The following PSD3 variants were observed in gnomAD, a reference collection of about 807,000 sequenced individuals.
PSD3 encodes PH and SEC7 domain-containing protein 3.
PSD3 carries 49 observed loss-of-function variants against 105.5 expected under a neutral mutation model. The observed-to-expected ratio is 0.46, with a 90% CI of 0.37 to 0.59. The LOEUF (loss-of-function observed/expected upper bound fraction) is 0.59. PSD3 is among the 20% of genes least tolerant of loss of function. PSD3 has a pLI of 0.00. For missense variants in PSD3, 1,561 were observed against 1,263.8 expected (o/e 1.24, Z -3.57); for synonymous variants, 557 against 457.8 (o/e 1.22, Z -2.77).
rs144028422 is a variant in PSD3, at chr8:18,822,406, G to T, written c.1635-17508C>A. The stretch of plus-strand genomic sequence containing the variant: ...TTTAGTAGTAGTACAGTCCATCCCC[G>T]GGAGTGTGTTCCAAGTACCCCTTCA... On this transcript the variant is annotated intron_variant, in intron 4 of 15. Coordinates refer to ENST00000327040, the MANE Select transcript of PSD3 (RefSeq NM_015310.4). 1.2e-3 allele frequency among the ~76,000 whole-genome samples: 179 copies of T among 152,182 alleles called. 2 individuals are homozygous for T. In the East Asian group the frequency reaches 0.025, roughly 22 times the overall value.
upstream of PSD3, among the ~76,000 whole-genome samples, chr8:19,017,002 A>G (rs963343121): frequency 4.6e-5 from 7 of 151,800 alleles, no homozygotes; most frequent in African/African-American, 1.7e-4. Flanking sequence ...GTTGGCAGGG[A>G]CATTCAAGCC....
chr8:18,999,447 C>T (rs1826253085), intron 1 of PSD3, among the ~76,000 whole-genome samples: 3 of 151,880 alleles, frequency 2.0e-5, no homozygotes, highest in South Asian at 4.2e-4. Flanking sequence ...ACTGAGGTGG[C>T]GATTACCAAG....
rs61667418 is a variant in PSD3, at chr8:18,877,539, C to CT, written c.131-4807dup. On this transcript the variant is annotated intron_variant, in intron 2 of 15. Transcript: ENST00000327040. ...CAAGTCCATTGAGCTAGATGCCTAT[C>CT]TTTTTTTTTTTTTTTTCTTTTTGAC... is the stretch of plus-strand genomic sequence containing the variant. Among the ~76,000 whole-genome samples, 443 of 138,100 alleles carry CT rather than the reference C, an allele frequency of 3.2e-3. 2 individuals are homozygous for CT. The highest frequency in any genetic ancestry group is 0.012 in the South Asian group (54 of 4,358). The allele number at this position is 138,100 out of a possible 152,430, so 90.6% of individuals were successfully genotyped here.
chr8:18,782,656 T>A (rs1249756370), intron 8 of PSD3, among the ~76,000 whole-genome samples: 1 of 152,206 alleles, frequency 6.6e-6, no homozygotes, highest in African/African-American at 2.4e-5. Context: ...AAGTGGATTG[T>A]CTGTGTGCTA....
chr8:18,903,340 C>A (rs779708297), intron 2 of PSD3, among the ~76,000 whole-genome samples: 1 of 152,116 alleles, frequency 6.6e-6, no homozygotes, highest in East Asian at 1.9e-4. Flanking sequence ...TGGCAGTGAT[C>A]GTCAGCATCT....
chr8:19,047,836 G>T (rs1017916725), intron 1 of PSD3, among the ~76,000 whole-genome samples: 4 of 152,146 alleles, frequency 2.6e-5, no homozygotes, highest in Non-Finnish European at 5.9e-5. Flanking sequence ...CACTGCACGG[G>T]AGCCTGTTGC....
At chr8:18,944,192 T>C (rs973026014) in intron 1 of PSD3, among the ~76,000 whole-genome samples, 1 of 152,234 alleles carries the variant, frequency 6.6e-6, no homozygotes, top group Non-Finnish European at 1.5e-5. Context: ...CAGTGGCACA[T>C]GCTTTCACTT....
chr8:18,823,928 C>T (rs1320023214), intron 4 of PSD3, among the ~76,000 whole-genome samples: 2 of 152,064 alleles, frequency 1.3e-5, no homozygotes, highest in African/African-American at 2.4e-5. Context: ...GCCTGTAATC[C>T]CTGCACTTTG....
At chr8:18,905,798 C>T (rs1003023101) in intron 2 of PSD3, among the ~76,000 whole-genome samples, 21 of 152,092 alleles carry the variant, frequency 1.4e-4, no homozygotes, top group Admixed American at 6.5e-5. Flanking sequence ...ATGATATTAA[C>T]ATACAAATAA....
chr8:19,031,158 T>C (rs1827755697), intron 1 of PSD3, among the ~76,000 whole-genome samples: 1 of 152,182 alleles, frequency 6.6e-6, no homozygotes, highest in African/African-American at 2.4e-5. Context: ...ACTGTAGGAT[T>C]ATCAGTGTCC....
intron 10 of PSD3, among the ~76,000 whole-genome samples, chr8:18,652,441 G>A (rs182983160): frequency 1.4e-5 from 2 of 145,950 alleles, no homozygotes; most frequent in Non-Finnish European, 3.0e-5. Context: ...AGAGCACAGT[G>A]TTATAAATAA....
At chr8:19,010,205 G>A (rs1563507147) in intron 1 of PSD3, among the ~76,000 whole-genome samples, 1 of 152,176 alleles carries the variant, frequency 6.6e-6, no homozygotes, top group Non-Finnish European at 1.5e-5. Context: ...AGCCTGACAT[G>A]CAGGAAGGGG....
intron 4 of PSD3, among the ~76,000 whole-genome samples, chr8:18,815,829 A>T (rs892817182): frequency 2.0e-5 from 3 of 152,086 alleles, no homozygotes; most frequent in Admixed American, 2.0e-4. Context: ...GCCTGACAAC[A>T]TATCCTCTCT....
At chr8:18,585,795 T>C (rs1803134704) in intron 12 of PSD3, among the ~76,000 whole-genome samples, 1 of 152,188 alleles carries the variant, frequency 6.6e-6, no homozygotes, top group African/African-American at 2.4e-5. Flanking sequence ...TGCAACATCA[T>C]TTCCCCTCAT....
chr8:18,769,281 C>T (rs1225283238), intron 8 of PSD3, among the ~76,000 whole-genome samples: 3 of 152,092 alleles, frequency 2.0e-5, no homozygotes, highest in Admixed American at 1.3e-4. Flanking sequence ...CAGTTAATCA[C>T]CAAAACTATT....
chr8:18,947,095 T>C (rs1314898989), intron 1 of PSD3, among the ~76,000 whole-genome samples: 8 of 152,026 alleles, frequency 5.3e-5, no homozygotes, highest in Non-Finnish European at 1.0e-4. Context: ...ACTAACTGGA[T>C]AGATATTCCA....
rs111707605 is a variant in PSD3 at position 18,874,257 on chromosome 8, G to T, written c.131-1524C>A. ...GTTCACTGCAACCTCTACCTCCCGG[G>T]TTCAAGTGATTCTTCTGCCCCAGTC... is the stretch of plus-strand genomic sequence containing the variant. On this transcript the variant is annotated intron_variant, in intron 2 of 15. Coordinates refer to ENST00000327040, the MANE Select transcript of PSD3 (RefSeq NM_015310.4). 2.5e-3 allele frequency among the ~76,000 whole-genome samples: 377 copies of T among 152,008 alleles called. 5 individuals are homozygous for T. Among genetic ancestry groups the T allele is most frequent in the African/African-American group, 8.7e-3 (361 of 41,456 alleles).
chr8:19,074,614 T>TA (rs1563546660), intron 1 of PSD3, among the ~76,000 whole-genome samples: 1 of 27,140 alleles, frequency 3.7e-5, no homozygotes, highest in Non-Finnish European at 7.6e-5. Flanking sequence ...TATATATATT[T>TA]TTTTTTTTTT....
chr8:18,891,934 A>G (rs1490392702), intron 2 of PSD3, among the ~76,000 whole-genome samples: 1 of 152,200 alleles, frequency 6.6e-6, no homozygotes, highest in Non-Finnish European at 1.5e-5. Flanking sequence ...AAGAATATAG[A>G]GAAAGTTTAG....
Sources: allele counts gnomAD v4.1 joint callset (sites outside exome capture counted in the v4.1 genomes callset), GRCh38; gene constraint gnomAD v4.1.1; transcripts MANE v1.5; gene names NCBI Gene and HGNC (gene_info 2026-07-23, HGNC 2026-07-21).